Variants in KHDRBS2 observed in about 807,000 individuals in gnomAD.
KHDRBS2 encodes KH RNA binding domain containing, signal transduction associated 2.
A neutral mutation model predicts 44.3 loss-of-function variants in KHDRBS2; 26 were observed. That is an observed-to-expected ratio of 0.59 (90% confidence interval 0.43 to 0.81). KHDRBS2 has a LOEUF of 0.81. KHDRBS2 is among the 40% of genes least tolerant of loss of function. KHDRBS2 has a pLI of 0.00. For missense variants in KHDRBS2, 476 were observed against 433.1 expected, an observed-to-expected ratio of 1.10 and a Z score of -0.88; for synonymous variants, 194 against 151.1, an observed-to-expected ratio of 1.28 and a Z score of -2.08.
intron 6 of KHDRBS2, among the ~76,000 whole-genome samples, chr6:61,780,536 A>G (rs910718356): frequency 4.1e-5 from 6 of 146,006 alleles, no homozygotes; most frequent in African/African-American, 1.6e-4. Flanking sequence ...AAGCAAAACA[A>G]ACAGCAAAAA....
intron 6 of KHDRBS2, among the ~76,000 whole-genome samples, chr6:61,863,705 T>C (rs537546047): frequency 3.3e-5 from 5 of 152,330 alleles, no homozygotes; most frequent in Admixed American, 1.3e-4. Flanking sequence ...CTTCAGATTA[T>C]GTGGTCAATT....
chr6:62,121,377 C>G (rs538450034), intron 2 of KHDRBS2, among the ~76,000 whole-genome samples: 2 of 152,176 alleles, frequency 1.3e-5, no homozygotes, highest in African/African-American at 2.4e-5. Flanking sequence ...CATCCCTGTT[C>G]GACTCTCCTA....
At chr6:61,690,751 T>C (rs1346574423) in intron 8 of KHDRBS2, among the ~76,000 whole-genome samples, 1 of 152,032 alleles carries the variant, frequency 6.6e-6, no homozygotes. Context: ...ATGTATCACC[T>C]TCAAAAATGC....
chr6:61,640,190 T>TA, the KHDRBS2 span, among the ~76,000 whole-genome samples: 11 of 152,038 alleles, frequency 7.2e-5, no homozygotes, highest in Admixed American at 1.3e-4. Flanking sequence ...TGAGGAATAA[T>TA]AAAAAAAACT....
At chr6:62,052,967 T>C (rs1371331381) in intron 2 of KHDRBS2, among the ~76,000 whole-genome samples, 3 of 151,944 alleles carry the variant, frequency 2.0e-5, no homozygotes, top group Admixed American at 2.0e-4. Context: ...TTGGATTTCA[T>C]CCTAAGTAGA....
intron 8 of KHDRBS2, among the ~76,000 whole-genome samples, chr6:61,684,305 C>G (rs1158684138): frequency 6.6e-6 from 1 of 151,838 alleles, no homozygotes; most frequent in Non-Finnish European, 1.5e-5. Flanking sequence ...ACTGCAAGTA[C>G]CACATATAGA....
At chr6:62,155,901 C>A (rs1172078356) in intron 2 of KHDRBS2, among the ~76,000 whole-genome samples, 2 of 152,108 alleles carry the variant, frequency 1.3e-5, no homozygotes, top group Non-Finnish European at 2.9e-5. Flanking sequence ...TTCTGTCCTG[C>A]TGGTGTATTT....
intron 5 of KHDRBS2, among the ~76,000 whole-genome samples, chr6:61,900,433 A>G (rs892662937): frequency 2.0e-5 from 3 of 152,174 alleles, no homozygotes; most frequent in African/African-American, 7.2e-5. Context: ...AGATGAAGAG[A>G]ATGATTAAAT....
At chr6:61,638,552 C>A in the KHDRBS2 span, among the ~76,000 whole-genome samples, 2 of 152,080 alleles carry the variant, frequency 1.3e-5, no homozygotes, top group African/African-American at 4.8e-5. Context: ...ACCATAAAAA[C>A]CCTGGAAGAA....
the KHDRBS2 span, among the ~76,000 whole-genome samples, chr6:61,558,753 G>T: frequency 1.3e-5 from 2 of 151,764 alleles, no homozygotes; most frequent in Admixed American, 6.6e-5. Flanking sequence ...CTGATTTCTC[G>T]TATTATTTTA....
chr6:62,093,916 T>G (rs1473205374), intron 2 of KHDRBS2, among the ~76,000 whole-genome samples: 1 of 150,158 alleles, frequency 6.7e-6, no homozygotes, highest in Non-Finnish European at 1.5e-5. Context: ...CTTTATCAAT[T>G]CATCCACTGA....
chr6:61,816,814 T>A (rs1441867284), intron 6 of KHDRBS2: 1 of 380,658 alleles, frequency 2.6e-6, no homozygotes, highest in Admixed American at 3.2e-5. Flanking sequence ...ACATACATTT[T>A]ATATTAATAT....
At chr6:62,098,981 A>T (rs1177054055) in intron 2 of KHDRBS2, among the ~76,000 whole-genome samples, 4 of 151,926 alleles carry the variant, frequency 2.6e-5, no homozygotes, top group Admixed American at 6.6e-5. Flanking sequence ...TTTCTGTTGG[A>T]TTTTTAAAAA....
intron 3 of KHDRBS2, among the ~76,000 whole-genome samples, chr6:61,994,978 C>T (rs1359571550): frequency 2.6e-5 from 4 of 151,870 alleles, no homozygotes; most frequent in Non-Finnish European, 2.9e-5. Context: ...AAAGAAAGCC[C>T]GCGTGGCTTG....
chr6:62,002,037 T>C (rs1778334738), intron 3 of KHDRBS2, among the ~76,000 whole-genome samples: 1 of 152,118 alleles, frequency 6.6e-6, no homozygotes, highest in Middle Eastern at 3.2e-3. Context: ...AAGTGTAATG[T>C]TCCCTAATAT....
intron 2 of KHDRBS2, among the ~76,000 whole-genome samples, chr6:62,130,861 A>G (rs993920801): frequency 1.3e-5 from 2 of 152,086 alleles, no homozygotes; most frequent in Non-Finnish European, 2.9e-5. Context: ...CTGAAAGTAT[A>G]AAACACAATG....
At chr6:61,627,280 A>G in the KHDRBS2 span, among the ~76,000 whole-genome samples, 2 of 130,044 alleles carry the variant, frequency 1.5e-5, no homozygotes, top group Non-Finnish European at 3.3e-5. Flanking sequence ...AAAAAAAAAA[A>G]AAGAATTTGG....
At chr6:61,701,373 G>A (rs1768631037) in intron 7 of KHDRBS2, among the ~76,000 whole-genome samples, 1 of 151,954 alleles carries the variant, frequency 6.6e-6, no homozygotes, top group Non-Finnish European at 1.5e-5. Flanking sequence ...ACAGGATACA[G>A]TGAAGCTAGT....
intron 2 of KHDRBS2, among the ~76,000 whole-genome samples, chr6:62,096,834 T>C (rs1800718801): frequency 6.6e-6 from 1 of 151,878 alleles, no homozygotes; most frequent in Non-Finnish European, 1.5e-5. Flanking sequence ...TTTTTTCTGA[T>C]ATAGGCATTA....
Sources: gnomAD v4.1 joint callset for allele counts (sites outside exome capture counted in the v4.1 genomes callset) on GRCh38, gnomAD v4.1.1 for gene constraint, MANE v1.5 for transcripts, NCBI Gene and HGNC (gene_info 2026-07-23, HGNC 2026-07-21) for gene names.